Variants in ALK observed in about 807,000 individuals in gnomAD.
ALK encodes the protein ALK receptor tyrosine kinase.
ALK carries 74 observed loss-of-function variants against 163.1 expected under a neutral mutation model. The ratio of observed to expected loss-of-function variants is 0.45; its 90% CI spans 0.38 to 0.55. The LOEUF is 0.55. ALK is among the 20% of genes least tolerant of loss of function. The pLI, the probability that ALK is intolerant of heterozygous loss-of-function variation, is 0.00. For synonymous variants in ALK, 960 were observed against 843.2 expected (o/e 1.14, Z -2.40); for missense variants, 2,063 against 2,105.3 (o/e 0.98, Z 0.39).
intron 1 of ALK, among the ~76,000 whole-genome samples, chr2:29,914,446 T>C (rs567595735): frequency 6.6e-6 from 1 of 152,206 alleles, no homozygotes; most frequent in South Asian, 2.1e-4. Flanking sequence ...ACCCCTAGAG[T>C]TGCAGAGTGC....
At chr2:29,778,770 G>A (rs1572371614) in intron 1 of ALK, among the ~76,000 whole-genome samples, 2 of 152,264 alleles carry the variant, frequency 1.3e-5, no homozygotes, top group East Asian at 3.9e-4. Context: ...CTCTTATAAG[G>A]AAAGGGGAGG....
intron 1 of ALK, among the ~76,000 whole-genome samples, chr2:29,888,472 C>T (rs867691412): frequency 6.6e-6 from 1 of 152,016 alleles, no homozygotes; most frequent in African/African-American, 2.4e-5. Flanking sequence ...GGACTTTTCC[C>T]TTTTTCCCAT....
intron 5 of ALK, 125 bp from the exon 6 acceptor site, chr2:29,328,606 C>A: frequency 7.6e-7 from 1 of 1,309,426 alleles, no homozygotes; most frequent in Non-Finnish European, 1.1e-6. Flanking sequence ...ATTCACACTC[C>A]AAGGCCTGAT....
chr2:29,533,812 C>T (rs1175307516), intron 3 of ALK, among the ~76,000 whole-genome samples: 1 of 152,094 alleles, frequency 6.6e-6, no homozygotes, highest in Non-Finnish European at 1.5e-5. Flanking sequence ...GAACTATCAG[C>T]ACAAATAGAG....
At chr2:29,907,170 A>C (rs951904552) in intron 1 of ALK, 19 of 152,030 alleles carry the variant, frequency 1.2e-4, no homozygotes, top group African/African-American at 4.6e-4. Flanking sequence ...ACGGCATCTA[A>C]GTCCTGTATA....
intron 1 of ALK, among the ~76,000 whole-genome samples, chr2:29,743,420 G>A (rs1195675331): frequency 1.3e-5 from 2 of 152,262 alleles, no homozygotes; most frequent in East Asian, 3.9e-4. Context: ...ACTCACCTTG[G>A]TGGTATAAAA....
At chr2:29,889,186 G>C (rs1667068562) in intron 1 of ALK, among the ~76,000 whole-genome samples, 2 of 151,986 alleles carry the variant, frequency 1.3e-5, no homozygotes, top group African/African-American at 2.4e-5. Context: ...CATTTAAATA[G>C]AAATAAATGT....
chr2:29,685,962 G>C (rs919782203), intron 3 of ALK, among the ~76,000 whole-genome samples: 1 of 152,044 alleles, frequency 6.6e-6, no homozygotes. Context: ...TCTCTGACCT[G>C]TGCTTCCTTC....
chr2:29,646,170 T>C (rs1204438651), intron 3 of ALK, among the ~76,000 whole-genome samples: 1 of 152,162 alleles, frequency 6.6e-6, no homozygotes, highest in Admixed American at 6.5e-5. Context: ...AAACTTGATC[T>C]ACCTGTAGTC....
chr2:29,707,913 G>A (rs1678959453), intron 2 of ALK, among the ~76,000 whole-genome samples: 1 of 152,128 alleles, frequency 6.6e-6, no homozygotes, highest in African/African-American at 2.4e-5. Context: ...AGTAGGTAGT[G>A]GCTGAAGGTA....
chr2:29,350,700 G>A (rs1668088608), intron 5 of ALK, among the ~76,000 whole-genome samples: 1 of 152,216 alleles, frequency 6.6e-6, no homozygotes, highest in Admixed American at 6.5e-5. Context: ...CACTGAGCAA[G>A]TCCCACTGGA....
At chr2:29,378,111 T>C (rs1668803191) in intron 5 of ALK, among the ~76,000 whole-genome samples, 1 of 152,198 alleles carries the variant, frequency 6.6e-6, no homozygotes, top group South Asian at 2.1e-4. Context: ...TTCCTTGTTT[T>C]TCATGGGGGA....
intron 3 of ALK, among the ~76,000 whole-genome samples, chr2:29,640,892 G>A (rs563328343): frequency 6.6e-6 from 1 of 152,254 alleles, no homozygotes; most frequent in East Asian, 1.9e-4. Flanking sequence ...GAAATCTTAA[G>A]GATAAGAACT....
At chr2:29,379,863 C>T (rs1668852756) in intron 5 of ALK, among the ~76,000 whole-genome samples, 1 of 152,088 alleles carries the variant, frequency 6.6e-6, no homozygotes, top group African/African-American at 2.4e-5. Context: ...AAGGGTATAT[C>T]CAAGAGACAG....
At chr2:29,701,354 A>G (rs1429780629) in intron 2 of ALK, among the ~76,000 whole-genome samples, 1 of 152,118 alleles carries the variant, frequency 6.6e-6, no homozygotes, top group Non-Finnish European at 1.5e-5. Context: ...CATCCCCTCC[A>G]ACATTGCCCA....
chr2:29,648,922 G>A (rs930603356), intron 3 of ALK, among the ~76,000 whole-genome samples: 3 of 152,056 alleles, frequency 2.0e-5, no homozygotes, highest in Admixed American at 6.6e-5. Context: ...ATGATAGTTT[G>A]GCTGGGTATG....
chr2:29,436,808 T>A (rs1016517923), intron 4 of ALK, among the ~76,000 whole-genome samples: 2 of 152,152 alleles, frequency 1.3e-5, no homozygotes, highest in Non-Finnish European at 2.9e-5. Flanking sequence ...AATGGCTTAG[T>A]CATTTTAAAG....
At chr2:29,600,625 C>T (rs1458052301) in intron 3 of ALK, among the ~76,000 whole-genome samples, 1 of 152,280 alleles carries the variant, frequency 6.6e-6, no homozygotes, top group East Asian at 1.9e-4. Context: ...GGGCTGCTCA[C>T]GTGCTCAGGA....
chr2:29,740,324 G>A (rs541318832), intron 1 of ALK, among the ~76,000 whole-genome samples: 37 of 152,162 alleles, frequency 2.4e-4, no homozygotes, highest in Middle Eastern at 3.4e-3. Context: ...AAAAAGGAAC[G>A]GATGAAAGAA....
Sources: allele counts gnomAD v4.1 joint callset (sites outside exome capture counted in the v4.1 genomes callset), GRCh38; gene constraint gnomAD v4.1.1; transcripts MANE v1.5; gene names NCBI Gene and HGNC (gene_info 2026-07-23, HGNC 2026-07-21).